Variants in MAP2K5 observed in about 807,000 individuals in gnomAD.
The protein encoded by MAP2K5 is dual specificity mitogen-activated protein kinase kinase 5.
MAP2K5 carries 49 observed loss-of-function variants against 83.1 expected under a neutral mutation model. The observed-to-expected ratio is 0.59, with a 90% CI of 0.47 to 0.75. The LOEUF (loss-of-function observed/expected upper bound fraction) is 0.75, where lower values mean the gene tolerates loss of function less well. Among genes scored for constraint, MAP2K5 ranks in the 30% least tolerant of loss-of-function variants. The pLI, the probability that MAP2K5 is intolerant of heterozygous loss-of-function variation, is 0.00. For missense variants in MAP2K5, 457 were observed against 557.5 expected, an observed-to-expected ratio of 0.82 and a Z score of 1.82; for synonymous variants, 202 against 191.8, an observed-to-expected ratio of 1.05 and a Z score of -0.44.
At chr15:67,771,031 C>A (rs2090131002) in intron 20 of MAP2K5, among the ~76,000 whole-genome samples, 1 of 152,136 alleles carries the variant, frequency 6.6e-6, no homozygotes, top group Non-Finnish European at 1.5e-5. Context: ...ACACTGGAAT[C>A]CTGAGCTGTT....
At chr15:67,620,720 A>G (rs1417690188) in intron 8 of MAP2K5, among the ~76,000 whole-genome samples, 1 of 152,226 alleles carries the variant, frequency 6.6e-6, no homozygotes, top group Non-Finnish European at 1.5e-5. Context: ...TGAAGTTAAA[A>G]CATTCTAAGA....
At chr15:67,691,179 C>T (rs980033282) in intron 13 of MAP2K5, among the ~76,000 whole-genome samples, 5 of 152,146 alleles carry the variant, frequency 3.3e-5, no homozygotes, top group African/African-American at 7.2e-5. Context: ...AAATGTTTAT[C>T]GAGCACTTGA....
chr15:67,726,629 G>A (rs1202566989), intron 16 of MAP2K5, among the ~76,000 whole-genome samples: 4 of 152,164 alleles, frequency 2.6e-5, no homozygotes, highest in Non-Finnish European at 5.9e-5. Flanking sequence ...ATGCAGGAAG[G>A]AACACTGGAT....
chr15:67,792,692 TATTA>T (rs2090539019), intron 21 of MAP2K5, among the ~76,000 whole-genome samples: 3 of 152,344 alleles, frequency 2.0e-5, no homozygotes, highest in Non-Finnish European at 2.9e-5. Flanking sequence ...TCCCTAATGG[TATTA>T]AAAATCAAGA....
intron 3 of MAP2K5, among the ~76,000 whole-genome samples, chr15:67,579,918 A>C (rs940009137): frequency 1.3e-5 from 2 of 152,228 alleles, no homozygotes; most frequent in South Asian, 4.1e-4. Context: ...CAGCCCCTCA[A>C]AACATAAAAT....
chr15:67,775,532 C>G lies in MAP2K5; in HGVS notation c.1242+2780C>G, dbSNP rs184720175. ...ATAATTGAATTTGTTAGTTGATATA[C>G]CATTGTGCACAGTCTTGTTCTAGAC... On this transcript the variant is annotated intron_variant, in intron 21 of 21. Coordinates refer to ENST00000178640, the MANE Select transcript of MAP2K5 (RefSeq NM_145160.3). This position sits in a 1 kb window ranked among gnomAD's most constrained non-coding sequence, Gnocchi z 5.3. Among the ~76,000 whole-genome samples, 17 of 152,278 alleles carry G rather than the reference C, an allele frequency of 1.1e-4. No homozygotes were observed. The East Asian group carries it at 3.1e-3, about 28-fold the overall frequency.
At position 67,720,265 on chromosome 15, in the gene MAP2K5, C is replaced by T. The variant is rs183720008; in HGVS notation, c.1045-7651C>T. Among the ~76,000 whole-genome samples the T allele has an allele frequency of 6.6e-6, 1 of 151,944 alleles. No individual in the cohort carries two copies. The highest frequency in any genetic ancestry group is 1.5e-5 in the Non-Finnish European group (1 of 68,008). ...ACATAAACACACGCATATATATACA[C>T]ACACATATGCTTATATATACATAAG... On this transcript the variant is annotated intron_variant, in intron 16 of 21. Coordinates refer to ENST00000178640, the MANE Select transcript of MAP2K5 (RefSeq NM_145160.3). This position sits in a 1 kb window ranked among gnomAD's most constrained non-coding sequence, Gnocchi z 5.7.
At chr15:67,692,387 G>T in intron 13 of MAP2K5, 92 bp from the exon 14 acceptor site, 1 of 771,442 alleles carries the variant, frequency 1.3e-6, no homozygotes, top group African/African-American at 1.8e-5. Context: ...TGTCATTTCT[G>T]CAACTTGGTG....
Position 67,633,146 on chromosome 15 carries a change from G to C in MAP2K5, c.585+2219G>C, listed in dbSNP as rs376352666. ...GTCGTACCACCTTGGTTCTCACTGA[G>C]TGTGGCTCTGTTGTACACCTTGGCA... is the stretch of plus-strand genomic sequence containing the variant. On this transcript the variant is annotated intron_variant, in intron 9 of 21. Transcript: ENST00000178640. Among the ~76,000 whole-genome samples the C allele has an allele frequency of 1.1e-3, 174 of 152,308 alleles. 3 individuals are homozygous for C. The South Asian group carries it at 0.033, about 28-fold the overall frequency.
In MAP2K5 at chr15:67,774,210, C is replaced by CT. The variant is rs2090197716; in HGVS notation, c.1242+1458_1242+1459insT. Among the ~76,000 whole-genome samples, 1 of 148,086 alleles carries CT rather than the reference C, an allele frequency of 6.8e-6. No homozygotes were observed. The highest frequency in any genetic ancestry group is 1.5e-5 in the Non-Finnish European group (1 of 67,076). ...GTGTGTGTGTGTGTGTGTGAGAGAA[C>CT]ATAGGTATTTAGATATATCTCTTTA... On this transcript the variant is annotated intron_variant, in intron 21 of 21. Transcript: ENST00000178640. The surrounding 1 kb of genome is among the most constrained non-coding windows in gnomAD (Gnocchi z 4.9).
intron 16 of MAP2K5, among the ~76,000 whole-genome samples, chr15:67,715,440 TC>T (rs1051458680): frequency 6.6e-5 from 10 of 152,306 alleles, no homozygotes; most frequent in Non-Finnish European, 1.3e-4. Flanking sequence ...GTGAAGTGTT[TC>T]CCACTGAATA....
rs1474424729 is a variant in MAP2K5 at position 67,677,343 on chromosome 15, G to C, written c.847+12698G>C. On this transcript the variant is annotated intron_variant, in intron 13 of 21. Coordinates refer to ENST00000178640, the MANE Select transcript of MAP2K5 (RefSeq NM_145160.3). The surrounding 1 kb of genome is among the most constrained non-coding windows in gnomAD (Gnocchi z 4.2). The stretch of plus-strand genomic sequence containing the variant: ...CCTCTGTAAAATGGGGTTAATAATA[G>C]TACCTATCTCAAGGGTTACAATGAG... 6.6e-6 allele frequency among the ~76,000 whole-genome samples: 1 copy of C among 152,162 alleles called. No homozygotes were observed. Among genetic ancestry groups the C allele is most frequent in the Non-Finnish European group, 1.5e-5 (1 of 68,038 alleles).
intron 3 of MAP2K5, among the ~76,000 whole-genome samples, chr15:67,580,488 T>A (rs2140993152): frequency 6.6e-6 from 1 of 152,216 alleles, no homozygotes; most frequent in African/African-American, 2.4e-5. Context: ...TATATCATTT[T>A]CAAATATTTC....
chr15:67,642,285 A>G (rs1368450544), intron 9 of MAP2K5: 8 of 530,608 alleles, frequency 1.5e-5, no homozygotes, highest in African/African-American at 9.6e-5. Context: ...GTTAAATCCT[A>G]CATCACTTAC....
intron 8 of MAP2K5, among the ~76,000 whole-genome samples, chr15:67,630,184 TG>T (rs775469582): frequency 1.8e-4 from 27 of 152,340 alleles, no homozygotes; most frequent in Non-Finnish European, 3.1e-4. Context: ...CAGTGATCTG[TG>T]ATTATGCCAC....
chr15:67,574,240 G>A (rs959817271), intron 3 of MAP2K5, among the ~76,000 whole-genome samples: 2 of 152,140 alleles, frequency 1.3e-5, no homozygotes, highest in African/African-American at 4.8e-5. Context: ...CTGGTGAGAA[G>A]TTAACAGATT....
chr15:67,582,823 A>AACACACACAC (rs10579310), intron 4 of MAP2K5, among the ~76,000 whole-genome samples: 1 of 148,140 alleles, frequency 6.8e-6, no homozygotes, highest in Non-Finnish European at 1.5e-5. Flanking sequence ...ATTGTCTCAA[A>AACACACACAC]ACACACACAC....
At chr15:67,597,767 A>AT (rs1232535928) in intron 7 of MAP2K5, among the ~76,000 whole-genome samples, 1 of 152,168 alleles carries the variant, frequency 6.6e-6, no homozygotes, top group Non-Finnish European at 1.5e-5. Flanking sequence ...TTCTAAAAAT[A>AT]TTTTTTGTAA....
chr15:67,743,742 G>A (rs2089544446), intron 17 of MAP2K5, among the ~76,000 whole-genome samples: 1 of 152,320 alleles, frequency 6.6e-6, no homozygotes, highest in East Asian at 1.9e-4. Context: ...CACAGTGCCA[G>A]ATAAAATTAG....
Sources: allele counts gnomAD v4.1 joint callset (sites outside exome capture counted in the v4.1 genomes callset), GRCh38; gene constraint gnomAD v4.1.1; non-coding constraint Gnocchi (gnomAD v3.1); transcripts MANE v1.5; gene names NCBI Gene and HGNC (gene_info 2026-07-23, HGNC 2026-07-21).